AOPEP: variants seen among roughly 807,000 people sequenced by gnomAD.
AOPEP encodes aminopeptidase O.
In AOPEP, 77 loss-of-function variants were observed where a neutral mutation model predicts 98.1. The observed-to-expected ratio is 0.78, with a 90% CI of 0.65 to 0.95. The LOEUF is 0.95. Among genes scored for constraint, AOPEP ranks in the 40% least tolerant of loss-of-function variants. AOPEP has a pLI of 0.00. For synonymous variants in AOPEP, 346 were observed against 365.3 expected, an observed-to-expected ratio of 0.95 and a Z score of 0.60; for missense variants, 1,024 against 1,024.7, an observed-to-expected ratio of 1.00 and a Z score of 0.01.
At chr9:94,779,400 C>A (rs1842819089) in intron 3 of AOPEP, among the ~76,000 whole-genome samples, 1 of 152,206 alleles carries the variant, frequency 6.6e-6, no homozygotes, top group South Asian at 2.1e-4. Context: ...TGGTTTGGCC[C>A]TGCAGTAAAG....
intron 1 of AOPEP, among the ~76,000 whole-genome samples, chr9:94,727,449 A>G (rs773167682): frequency 4.6e-5 from 7 of 152,238 alleles, no homozygotes; most frequent in Non-Finnish European, 8.8e-5. Context: ...TTTTCGTGCA[A>G]TGATGACAAT....
chr9:94,998,222 T>C (rs1589213644), intron 11 of AOPEP, among the ~76,000 whole-genome samples: 1 of 151,452 alleles, frequency 6.6e-6, no homozygotes, highest in Admixed American at 6.6e-5. Context: ...CACTAGATGT[T>C]CCGTAAGTAC....
the AOPEP span, chr9:95,101,886 A>G: frequency 6.2e-7 from 1 of 1,612,626 alleles, no homozygotes; most frequent in Non-Finnish European, 8.5e-7. Context: ...AAATTAAAAC[A>G]CTTTCCAGAC....
At chr9:95,021,025 G>C (rs1589288865) in intron 13 of AOPEP, among the ~76,000 whole-genome samples, 2 of 151,922 alleles carry the variant, frequency 1.3e-5, no homozygotes, top group East Asian at 3.9e-4. Context: ...GTCTGTGCTG[G>C]TATTTGTAAA....
chr9:94,857,501 A>T (rs577624133), intron 5 of AOPEP, among the ~76,000 whole-genome samples: 1 of 152,310 alleles, frequency 6.6e-6, no homozygotes, highest in East Asian at 1.9e-4. Context: ...GTCTTCTGGG[A>T]GGAGAGATTG....
chr9:95,119,365 CTTT>C, the AOPEP span, among the ~76,000 whole-genome samples: 27 of 141,212 alleles, frequency 1.9e-4, no homozygotes, highest in African/African-American at 1.6e-4. Flanking sequence ...TCTTCCTTTT[CTTT>C]TTTTTTTTTT....
At chr9:94,818,770 G>C (rs529607812) in intron 5 of AOPEP, among the ~76,000 whole-genome samples, 1 of 152,252 alleles carries the variant, frequency 6.6e-6, no homozygotes, top group African/African-American at 2.4e-5. Flanking sequence ...TGAGGTGGGC[G>C]GATCACGAGG....
intron 4 of AOPEP, among the ~76,000 whole-genome samples, chr9:94,798,643 A>G (rs576226113): frequency 1.3e-5 from 2 of 152,322 alleles, no homozygotes; most frequent in African/African-American, 4.8e-5. Flanking sequence ...AGCTTTGTCC[A>G]GAAGATGCCT....
chr9:94,951,415 C>T (rs867213441), intron 7 of AOPEP, among the ~76,000 whole-genome samples: 1 of 152,174 alleles, frequency 6.6e-6, no homozygotes. Context: ...TTCTTAACCT[C>T]GACTCTGCCA....
rs2066721585 is a variant in AOPEP at position 95,055,222 on chromosome 9, A to C, written c.2116-5472A>C. 2.0e-5 allele frequency among the ~76,000 whole-genome samples: 3 copies of C among 152,294 alleles called. No individual in the cohort carries two copies. In the South Asian group the frequency reaches 6.2e-4, roughly 32 times the overall value. On this transcript the variant is annotated intron_variant, in intron 13 of 16. Transcript: ENST00000375315. ...AAGTTGTCTACTTTTGTTTCTTAGA[A>C]ATGTTTATCATTTAAAAAGTAACAG...
chr9:95,138,429 TC>T, the AOPEP span, among the ~76,000 whole-genome samples: 1 of 152,130 alleles, frequency 6.6e-6, no homozygotes, highest in African/African-American at 2.4e-5. Flanking sequence ...TGTCCAGTAA[TC>T]ATGGGGAAGC....
chr9:94,992,391 C>T lies in AOPEP; in HGVS notation c.1978-12767C>T, dbSNP rs562498450. Among the ~76,000 whole-genome samples, 344 of 152,280 alleles carry T rather than the reference C, an allele frequency of 2.3e-3. 1 individual carries two copies. Among genetic ancestry groups the T allele is most frequent in the Admixed American group, 5.4e-3 (83 of 15,296 alleles). ...CAGTATTTTCTGCTTCTGATCCTGT[C>T]GAGTTACAGCCACCACCGTCACACT... On this transcript the variant is annotated intron_variant, in intron 11 of 16. Coordinates refer to ENST00000375315, the MANE Select transcript of AOPEP (RefSeq NM_001193329.3).
intron 13 of AOPEP, among the ~76,000 whole-genome samples, chr9:95,010,756 A>C (rs1589254178): frequency 6.6e-6 from 1 of 152,098 alleles, no homozygotes; most frequent in South Asian, 2.1e-4. Flanking sequence ...CCTAACTGTG[A>C]GTGGCTTTGT....
At chr9:95,045,701 T>C (rs7863291) in intron 13 of AOPEP, among the ~76,000 whole-genome samples, 119,326 of 152,106 alleles carry the variant, frequency 0.78, 48,323 homozygotes, top group Non-Finnish European at 0.89. Flanking sequence ...TATGGATGAT[T>C]GTGGTCCTCG....
At chr9:95,026,199 T>C (rs922238643) in intron 13 of AOPEP, among the ~76,000 whole-genome samples, 1 of 152,214 alleles carries the variant, frequency 6.6e-6, no homozygotes, top group Non-Finnish European at 1.5e-5. Flanking sequence ...ATATATATGT[T>C]TTTAACAACT....
intron 10 of AOPEP, among the ~76,000 whole-genome samples, chr9:94,971,641 G>A (rs1278601454): frequency 1.3e-5 from 2 of 152,176 alleles, no homozygotes; most frequent in Non-Finnish European, 2.9e-5. Context: ...GTCTGTCAGT[G>A]TTCAGGGGCC....
At chr9:94,968,596 C>CA (rs1316055365) in intron 10 of AOPEP, among the ~76,000 whole-genome samples, 1 of 151,996 alleles carries the variant, frequency 6.6e-6, no homozygotes, top group African/African-American at 2.4e-5. Context: ...AGGCTGGTCT[C>CA]AAACTCCTGA....
intron 16 of AOPEP, among the ~76,000 whole-genome samples, chr9:95,083,379 GGCACACACA>G (rs1467606517): frequency 1.7e-4 from 24 of 139,418 alleles, no homozygotes; most frequent in South Asian, 4.7e-4. Flanking sequence ...GAGCACACGC[GGCACACACA>G]GCACACACAG....
At chr9:94,878,513 A>G (rs2047220828) in intron 5 of AOPEP, among the ~76,000 whole-genome samples, 1 of 152,006 alleles carries the variant, frequency 6.6e-6, no homozygotes, top group South Asian at 2.1e-4. Context: ...AGTGGATCAC[A>G]AAAAGCTTCC....
Sources: allele counts gnomAD v4.1 joint callset (sites outside exome capture counted in the v4.1 genomes callset), GRCh38; gene constraint gnomAD v4.1.1; transcripts MANE v1.5; gene names NCBI Gene and HGNC (gene_info 2026-07-23, HGNC 2026-07-21).